The following CD8B variants were observed in gnomAD, a reference collection of about 807,000 sequenced individuals.
CD8B encodes T-cell surface glycoprotein CD8 beta chain.
A neutral mutation model predicts 24.2 loss-of-function variants in CD8B; 6 were observed. That is an observed-to-expected ratio of 0.25 (90% confidence interval 0.14 to 0.49). The LOEUF (loss-of-function observed/expected upper bound fraction) is 0.49. Among genes scored for constraint, CD8B ranks in the 20% least tolerant of loss-of-function variants. The probability of loss-of-function intolerance (pLI) is 0.98; values close to 1 mark genes in which losing one functional copy is unlikely to be tolerated. For synonymous variants in CD8B, 84 were observed against 108.3 expected, an observed-to-expected ratio of 0.78 and a Z score of 1.39; for missense variants, 196 against 271.3, an observed-to-expected ratio of 0.72 and a Z score of 1.95.
intron 5 of CD8B, among the ~76,000 whole-genome samples, chr2:86,827,886 G>T (rs1674754674): frequency 6.6e-6 from 1 of 152,198 alleles, no homozygotes; most frequent in Non-Finnish European, 1.5e-5. Flanking sequence ...CTGGGGCTTT[G>T]TAGATGAGAC....
intron 5 of CD8B, among the ~76,000 whole-genome samples, chr2:86,826,824 GTTT>G (rs67145087): frequency 9.8e-5 from 14 of 143,282 alleles, no homozygotes; most frequent in Middle Eastern, 3.5e-3. Context: ...TGAATTTCTT[GTTT>G]TTTTTTTTTT....
chr2:86,819,531 C>A, intron 5 of CD8B, among the ~76,000 whole-genome samples: 1 of 152,176 alleles, frequency 6.6e-6, no homozygotes. Flanking sequence ...ATAGCAAAGC[C>A]TGGATGACAG....
intron 5 of CD8B, among the ~76,000 whole-genome samples, chr2:86,831,607 A>G (rs1674907640): frequency 6.6e-6 from 1 of 152,216 alleles, no homozygotes; most frequent in Non-Finnish European, 1.5e-5. Flanking sequence ...CTATCTCTGC[A>G]ATTTTTCCCT....
At chr2:86,858,902 C>A (rs1451989101) in intron 1 of CD8B, among the ~76,000 whole-genome samples, 3 of 152,096 alleles carry the variant, frequency 2.0e-5, no homozygotes, top group Non-Finnish European at 2.9e-5. Context: ...TGTACCACCA[C>A]AAAAGGATAG....
At chr2:86,842,384 C>T in intron 5 of CD8B, 65 bp from the exon 6 acceptor site, 1 of 1,585,048 alleles carries the variant, frequency 6.3e-7, no homozygotes, top group Non-Finnish European at 8.6e-7. Flanking sequence ...TTTCCTGTAA[C>T]AGAGACAAAT....
chr2:86,820,548 GAC>G (rs1674425369), intron 5 of CD8B, among the ~76,000 whole-genome samples: 1 of 151,730 alleles, frequency 6.6e-6, no homozygotes, highest in Admixed American at 6.6e-5. Context: ...TTTTTTTTCA[GAC>G]ATAATGTCTT....
chr2:86,855,665 C>G (rs894913525), intron 2 of CD8B, among the ~76,000 whole-genome samples: 2 of 152,214 alleles, frequency 1.3e-5, no homozygotes, highest in African/African-American at 2.4e-5. Flanking sequence ...TCAGCAGGGT[C>G]GGAGAGCGTG....
intron 3 of CD8B, among the ~76,000 whole-genome samples, chr2:86,851,927 A>T (rs1261917265): frequency 1.3e-5 from 2 of 152,244 alleles, no homozygotes; most frequent in Non-Finnish European, 2.9e-5. Flanking sequence ...TGTATTCATG[A>T]ACTAGCACAT....
chr2:86,833,149 T>C, intron 5 of CD8B: 1 of 257,128 alleles, frequency 3.9e-6, no homozygotes, highest in Non-Finnish European at 8.0e-6. Flanking sequence ...CATCCTGCTT[T>C]TCCTCCTTAA....
At chr2:86,830,261 A>T (rs1048530965) in intron 5 of CD8B, among the ~76,000 whole-genome samples, 10 of 151,936 alleles carry the variant, frequency 6.6e-5, no homozygotes, top group Non-Finnish European at 1.0e-4. Flanking sequence ...TGCTTACAAT[A>T]CTCTGATGCA....
rs906903967 is a variant in CD8B, at chr2:86,822,246, A to T, written c.621-6528T>A. The T allele has an allele frequency of 3.7e-6, 3 of 811,054 alleles. No individual in the cohort carries two copies. The African/African-American group carries it at 5.3e-5, about 14-fold the overall frequency. 50.2% of individuals were successfully genotyped at this position (811,054 alleles called of 1,614,324 possible). A position where few individuals can be genotyped will look rare whatever the true frequency, so the allele number is the denominator to read the frequency against. Reference sequence around the variant, plus strand: ...TTATACCCCAGCAGGAAAAAAAAAAAAGATGATATCTGTTTCAGGTAAGAG... The same window carrying T: ...TTATACCCCAGCAGGAAAAAAAAAATAGATGATATCTGTTTCAGGTAAGAG... On this transcript the variant is annotated intron_variant, in intron 5 of 5. Transcript: ENST00000331469.
At chr2:86,851,105 AG>A (rs1675954018) in intron 3 of CD8B, among the ~76,000 whole-genome samples, 1 of 151,342 alleles carries the variant, frequency 6.6e-6, no homozygotes, top group South Asian at 2.1e-4. Flanking sequence ...AAAAAAAAAA[AG>A]AAAGAAAGAA....
rs2104533727 is a variant in CD8B at position 86,839,256 on chromosome 2, C to T, written c.*3051G>A. Among the ~76,000 whole-genome samples, 1 of 152,350 alleles carries T rather than the reference C, an allele frequency of 6.6e-6. No homozygotes were observed. The highest frequency in any genetic ancestry group is 2.1e-4 in the South Asian group (1 of 4,826). ...GCTCATTCCTTAGCAGCCGCCTAAACCCCCTTATTAGACTGTGTCTGAATT... is the reference window on the plus strand; with the variant it reads ...GCTCATTCCTTAGCAGCCGCCTAAATCCCCTTATTAGACTGTGTCTGAATT... On this transcript the variant is annotated 3_prime_UTR_variant, in exon 6 of 6. Coordinates refer to ENST00000390655, the MANE Select transcript of CD8B (RefSeq NM_004931.5).
At chr2:86,825,930 C>T (rs781308788) in intron 5 of CD8B, among the ~76,000 whole-genome samples, 3 of 151,990 alleles carry the variant, frequency 2.0e-5, no homozygotes, top group South Asian at 2.1e-4. Context: ...GGGTGCCATT[C>T]GGACATGAAC....
At chr2:86,823,298 C>T (rs919263084) in intron 5 of CD8B, among the ~76,000 whole-genome samples, 16 of 152,180 alleles carry the variant, frequency 1.1e-4, no homozygotes, top group South Asian at 8.3e-4. Flanking sequence ...TTTTTTGAGA[C>T]AGTCTCACTC....
chr2:86,845,574 C>T (rs1262277970), intron 4 of CD8B, among the ~76,000 whole-genome samples: 1 of 152,198 alleles, frequency 6.6e-6, no homozygotes, highest in Non-Finnish European at 1.5e-5. Context: ...GCACTTGCCA[C>T]TACACCCAAC....
rs1340445932 is a variant in CD8B at position 86,840,885 on chromosome 2, C to T, written c.*1422G>A. 1.3e-5 allele frequency among the ~76,000 whole-genome samples: 2 copies of T among 152,146 alleles called. No individual in the cohort carries two copies. The highest frequency in any genetic ancestry group is 2.9e-5 in the Non-Finnish European group (2 of 68,022). On this transcript the variant is annotated 3_prime_UTR_variant, in exon 6 of 6. Transcript: ENST00000390655. ...GGTCACACTGCCCCTTCCCCAGAGT[C>T]GTCTTTCCTTTCCTGTTTTTTTTGT...
intron 5 of CD8B, among the ~76,000 whole-genome samples, chr2:86,825,927 A>G (rs1320759552): frequency 6.6e-6 from 1 of 151,782 alleles, no homozygotes; most frequent in African/African-American, 2.4e-5. Context: ...CAGGGGTGCC[A>G]TTCGGACATG....
chr2:86,823,117 G>A (rs1352910728), intron 5 of CD8B, among the ~76,000 whole-genome samples: 3 of 151,870 alleles, frequency 2.0e-5, no homozygotes, highest in African/African-American at 7.3e-5. Flanking sequence ...TACCCACTAA[G>A]CACCAACTCC....
Sources: allele counts gnomAD v4.1 joint callset (sites outside exome capture counted in the v4.1 genomes callset), GRCh38; gene constraint gnomAD v4.1.1; transcripts MANE v1.5; gene names NCBI Gene and HGNC (gene_info 2026-07-23, HGNC 2026-07-21).